TCF12: variants seen among roughly 807,000 people sequenced by gnomAD.
TCF12 encodes the protein DNA-binding protein HTF4.
Under a neutral mutation model 86.0 loss-of-function variants are expected in TCF12, and 45 were observed. That is an observed-to-expected ratio of 0.52 (90% CI 0.41 to 0.67). The LOEUF is 0.67. Among genes scored for constraint, TCF12 ranks in the 30% least tolerant of loss-of-function variants. The pLI is 0.00. For synonymous variants in TCF12, 330 were observed against 299.6 expected (o/e 1.10, Z -1.05); for missense variants, 881 against 859.9 (o/e 1.02, Z -0.31).
At position 57,287,933 on chromosome 15, in the gene TCF12, C is replaced by T. The variant is rs1281128380; in HGVS notation, c.*1788C>T. The T allele has an allele frequency of 6.6e-6, 1 of 152,604 alleles. No individual in the cohort carries two copies. Among genetic ancestry groups the T allele is most frequent in the African/African-American group, 2.4e-5 (1 of 41,444 alleles). The allele number at this position is 152,604 out of a possible 1,614,324, so 9.5% of individuals were successfully genotyped here. On this transcript the variant is annotated 3_prime_UTR_variant, in exon 21 of 21. Coordinates refer to ENST00000333725, the MANE Select transcript of TCF12 (RefSeq NM_207037.2). Reference sequence around the variant, plus strand: ...ATGTGTGAGTGAACATATGCCACTGCCTGGCCTTTTTTTCTTCAGAGCTTG... The same window carrying T: ...ATGTGTGAGTGAACATATGCCACTGTCTGGCCTTTTTTTCTTCAGAGCTTG...
At chr15:57,285,908 A>T (rs1183489434) in intron 20 of TCF12, among the ~76,000 whole-genome samples, 2 of 152,214 alleles carry the variant, frequency 1.3e-5, no homozygotes, top group Non-Finnish European at 2.9e-5. Context: ...AGCGAGGGTG[A>T]TAGAGCAAGA....
At chr15:56,958,229 C>T (rs2061582329) in intron 3 of TCF12, among the ~76,000 whole-genome samples, 2 of 152,174 alleles carry the variant, frequency 1.3e-5, no homozygotes, top group Non-Finnish European at 2.9e-5. Flanking sequence ...CTGTCAGTCT[C>T]CCATCTTCTT....
chr15:57,233,950 G>GATT, intron 11 of TCF12, 93 bp from the exon 12 acceptor site: 1 of 956,354 alleles, frequency 1.0e-6, no homozygotes, highest in South Asian at 1.3e-5. Context: ...GATGTGAGAT[G>GATT]ATGATAGAGA....
chr15:57,123,295 A>G (rs1202955411), intron 5 of TCF12, among the ~76,000 whole-genome samples: 2 of 152,200 alleles, frequency 1.3e-5, no homozygotes, highest in East Asian at 1.9e-4. Flanking sequence ...ATTTTTGGTA[A>G]TGAGCTTTAT....
In TCF12 at chr15:57,078,261, T is replaced by C. The variant is rs140277430; in HGVS notation, c.223-13528T>C. Among the ~76,000 whole-genome samples, 17 of 152,322 alleles carry C rather than the reference T, an allele frequency of 1.1e-4. No homozygotes were observed. In the East Asian group the frequency reaches 1.9e-3, roughly 17 times the overall value. On this transcript the variant is annotated intron_variant, in intron 4 of 20. Coordinates refer to ENST00000333725, the MANE Select transcript of TCF12 (RefSeq NM_207037.2). ...GTATTAGCATCTTCTAAACTATTCA[T>C]ACAAAACCCAGCAAGTTTAACTTGT...
At chr15:56,923,333 C>T (rs2059873556) in intron 3 of TCF12, among the ~76,000 whole-genome samples, 1 of 152,014 alleles carries the variant, frequency 6.6e-6, no homozygotes, top group African/African-American at 2.4e-5. Flanking sequence ...ACAAATAACT[C>T]ATCATGGCTG....
intron 5 of TCF12, chr15:57,134,166 C>T (rs1425518800): frequency 3.3e-5 from 5 of 152,168 alleles, no homozygotes; most frequent in Non-Finnish European, 5.9e-5. Context: ...ATTTCTTAAT[C>T]TTAGTCCTTT....
chr15:57,274,886 A>G (rs1201017473), intron 19 of TCF12, among the ~76,000 whole-genome samples: 1 of 152,220 alleles, frequency 6.6e-6, no homozygotes, highest in Non-Finnish European at 1.5e-5. Flanking sequence ...TTTTAAGCAC[A>G]GAGATACCTA....
At chr15:57,244,918 A>T (rs1313051627) in intron 13 of TCF12, among the ~76,000 whole-genome samples, 2 of 152,150 alleles carry the variant, frequency 1.3e-5, no homozygotes. Flanking sequence ...AAAATGTTTA[A>T]TATCTTTTAA....
intron 3 of TCF12, among the ~76,000 whole-genome samples, chr15:56,985,454 T>C (rs538250765): frequency 6.6e-6 from 1 of 152,344 alleles, no homozygotes; most frequent in Non-Finnish European, 1.5e-5. Context: ...CCAATCTTCA[T>C]ATGTATACCA....
Position 57,142,183 on chromosome 15 carries a change from T to C in TCF12, c.326-24219T>C, listed in dbSNP as rs564831252. Among the ~76,000 whole-genome samples the C allele has an allele frequency of 1.1e-3, 173 of 152,268 alleles. 1 individual carries two copies. Among genetic ancestry groups the C allele is most frequent in the African/African-American group, 4.0e-3 (165 of 41,542 alleles). On this transcript the variant is annotated intron_variant, in intron 5 of 20. Transcript: ENST00000333725. ...ATTGATTAAATATGTAAACATATTA[T>C]AGATAAAAGACCCATTATCGCTATT...
At chr15:56,920,934 T>G (rs2059763676) in intron 2 of TCF12, 92 bp from the exon 3 acceptor site, 13 of 952,830 alleles carry the variant, frequency 1.4e-5, no homozygotes, top group Non-Finnish European at 1.6e-5. Context: ...CTCTGAAATT[T>G]AATAACTGAT....
At chr15:57,107,710 C>T (rs1315466696) in intron 5 of TCF12, among the ~76,000 whole-genome samples, 1 of 151,796 alleles carries the variant, frequency 6.6e-6, no homozygotes, top group Non-Finnish European at 1.5e-5. Context: ...CCTAAGGAGA[C>T]CTTGTCTCTA....
intron 3 of TCF12, among the ~76,000 whole-genome samples, chr15:56,987,329 G>A (rs1192186476): frequency 2.0e-5 from 3 of 152,092 alleles, no homozygotes; most frequent in African/African-American, 7.2e-5. Context: ...TGGCCAGGCT[G>A]GTTTCGAACT....
chr15:57,024,375 A>T (rs1174525101), intron 3 of TCF12, among the ~76,000 whole-genome samples: 1 of 151,920 alleles, frequency 6.6e-6, no homozygotes, highest in African/African-American at 2.4e-5. Flanking sequence ...CACCAAACCC[A>T]ACTAATTTCT....
chr15:57,049,193 T>A (rs184418477), intron 3 of TCF12, among the ~76,000 whole-genome samples: 3 of 152,352 alleles, frequency 2.0e-5, no homozygotes, highest in Admixed American at 1.3e-4. Context: ...ATGTGATCAG[T>A]TGAGGCATTT....
intron 3 of TCF12, among the ~76,000 whole-genome samples, chr15:57,006,212 T>G (rs1567238531): frequency 6.6e-6 from 1 of 152,218 alleles, no homozygotes; most frequent in Non-Finnish European, 1.5e-5. Context: ...ATATTTAAAA[T>G]TCCATGTTGA....
At chr15:56,952,942 G>A (rs2061347338) in intron 3 of TCF12, among the ~76,000 whole-genome samples, 1 of 152,054 alleles carries the variant, frequency 6.6e-6, no homozygotes, top group Admixed American at 6.5e-5. Flanking sequence ...TTAGATCTTA[G>A]AAAGCATTAG....
At chr15:57,070,752 C>T (rs1275908721) in intron 4 of TCF12, among the ~76,000 whole-genome samples, 1 of 152,174 alleles carries the variant, frequency 6.6e-6, no homozygotes, top group African/African-American at 2.4e-5. Flanking sequence ...ATAATAGAAC[C>T]TTGGTTTTTC....
Sources: gnomAD v4.1 joint callset for allele counts (sites outside exome capture counted in the v4.1 genomes callset) on GRCh38, gnomAD v4.1.1 for gene constraint, MANE v1.5 for transcripts, NCBI Gene and HGNC (gene_info 2026-07-23, HGNC 2026-07-21) for gene names.